The following NRXN3 variants were observed in gnomAD, a reference collection of about 807,000 sequenced individuals.
NRXN3 encodes neurexin 3, also known as neurexin III.
In NRXN3, 32 loss-of-function variants were observed where a neutral mutation model predicts 137.6. The ratio of observed to expected loss-of-function variants is 0.23; its 90% CI spans 0.18 to 0.31. The LOEUF is 0.31. NRXN3 is among the 10% of genes least tolerant of loss of function. The pLI is 1.00. For missense variants in NRXN3, 1,574 were observed against 2,062.5 expected (o/e 0.76, Z 4.59); for synonymous variants, 798 against 784.5 (o/e 1.02, Z -0.29).
At chr14:79,745,524 A>C (rs532906232) in intron 19 of NRXN3, among the ~76,000 whole-genome samples, 1 of 152,196 alleles carries the variant, frequency 6.6e-6, no homozygotes. Flanking sequence ...AATCCAAACC[A>C]GCAGCAGAGC....
intron 4 of NRXN3, among the ~76,000 whole-genome samples, chr14:78,306,063 T>C (rs2153537140): frequency 6.6e-6 from 1 of 152,312 alleles, no homozygotes. Context: ...ATTTTTTGCA[T>C]GGATGTTTCT....
At chr14:79,497,720 A>T (rs1267772287) in intron 16 of NRXN3, among the ~76,000 whole-genome samples, 1 of 152,148 alleles carries the variant, frequency 6.6e-6, no homozygotes, top group African/African-American at 2.4e-5. Flanking sequence ...TTTAATATAT[A>T]CTTTTAGATT....
intron 4 of NRXN3, among the ~76,000 whole-genome samples, chr14:78,438,073 G>A (rs1293380992): frequency 6.6e-6 from 1 of 152,086 alleles, no homozygotes; most frequent in Non-Finnish European, 1.5e-5. Context: ...GGGAGGGAGG[G>A]ACAGATTCTT....
rs530003810 is a variant in NRXN3 at position 79,521,846 on chromosome 14, G to T, written c.3444+54444G>T. Among the ~76,000 whole-genome samples, 5 of 152,096 alleles carry T rather than the reference G, an allele frequency of 3.3e-5. No homozygotes were observed. In the East Asian group the frequency reaches 7.7e-4, roughly 24 times the overall value. ...TCATAGTTATTCTAATTATGTTTTGGTTGATCAAAGTCATTTCCTAGTAGT... is the reference window on the plus strand; with the variant it reads ...TCATAGTTATTCTAATTATGTTTTGTTTGATCAAAGTCATTTCCTAGTAGT... On this transcript the variant is annotated intron_variant, in intron 16 of 20. Coordinates refer to ENST00000335750, the MANE Select transcript of NRXN3 (RefSeq NM_001330195.2).
chr14:79,069,995 C>T (rs2099685559), intron 15 of NRXN3, among the ~76,000 whole-genome samples: 1 of 152,082 alleles, frequency 6.6e-6, no homozygotes, highest in African/African-American at 2.4e-5. Context: ...TTCCTTTTTA[C>T]CTTTCCTTCC....
At chr14:79,271,191 C>T (rs1435039123) in intron 15 of NRXN3, among the ~76,000 whole-genome samples, 1 of 152,122 alleles carries the variant, frequency 6.6e-6, no homozygotes. Context: ...CTCATGAGTA[C>T]TTTAGTATCT....
rs535870489 is a variant in NRXN3 at position 79,089,113 on chromosome 14, C to T, written c.3262+100972C>T. Among the ~76,000 whole-genome samples the T allele has an allele frequency of 2.0e-5, 3 of 152,222 alleles. No homozygotes were observed. In the South Asian group the frequency reaches 6.2e-4, roughly 32 times the overall value. On this transcript the variant is annotated intron_variant, in intron 15 of 20. Coordinates refer to ENST00000335750, the MANE Select transcript of NRXN3 (RefSeq NM_001330195.2). ...TTGTGTTTTATAATCCTCCCTATGT[C>T]CCACCTGTTTTGTCTCAGAGGGGAT...
At chr14:79,402,889 A>G (rs942868171) in intron 15 of NRXN3, among the ~76,000 whole-genome samples, 11 of 152,212 alleles carry the variant, frequency 7.2e-5, no homozygotes, top group Non-Finnish European at 1.5e-4. Flanking sequence ...AAGACAAACA[A>G]TTATTTCAGT....
intron 16 of NRXN3, among the ~76,000 whole-genome samples, chr14:79,496,214 T>TTC (rs149328690): frequency 0.29 from 41,981 of 143,900 alleles, 6,186 homozygotes; most frequent in African/African-American, 0.34. Context: ...TTGAACTTAA[T>TTC]TCTCTCTCTC....
chr14:79,525,254 C>T (rs759133366), intron 16 of NRXN3, among the ~76,000 whole-genome samples: 5 of 152,170 alleles, frequency 3.3e-5, no homozygotes, highest in East Asian at 1.9e-4. Flanking sequence ...AACACCACCT[C>T]GAGGGTTTCC....
At chr14:78,592,389 T>C (rs2097125084) in intron 4 of NRXN3, among the ~76,000 whole-genome samples, 1 of 152,152 alleles carries the variant, frequency 6.6e-6, no homozygotes, top group South Asian at 2.1e-4. Flanking sequence ...TTATCGTGTG[T>C]TCTCTGACAC....
chr14:79,256,088 T>C (rs1173081391), intron 15 of NRXN3, among the ~76,000 whole-genome samples: 2 of 151,950 alleles, frequency 1.3e-5, no homozygotes, highest in Admixed American at 6.6e-5. Context: ...TTTATGTCCA[T>C]CCCTCCTCTC....
chr14:79,663,683 C>T (rs1000058591), intron 16 of NRXN3, 95 bp from the exon 17 acceptor site: 3 of 961,056 alleles, frequency 3.1e-6, no homozygotes, highest in Non-Finnish European at 4.7e-6. Context: ...TCCCTCTGGG[C>T]ACCTACAGGT....
At chr14:79,326,267 T>TAGTC (rs2090849785) in intron 15 of NRXN3, among the ~76,000 whole-genome samples, 1 of 152,196 alleles carries the variant, frequency 6.6e-6, no homozygotes, top group Non-Finnish European at 1.5e-5. Context: ...AATAAGTCCC[T>TAGTC]AGTCCGTATC....
Position 78,926,859 on chromosome 14 carries a change from A to AT in NRXN3, c.2276-30382dup, listed in dbSNP as rs2099301448. ...TATAAATATATAATATATTATATAT[A>AT]TAATATATATATAATATATAATATA... is the stretch of plus-strand genomic sequence containing the variant. On this transcript the variant is annotated intron_variant, in intron 10 of 20. Transcript: ENST00000335750. Among the ~76,000 whole-genome samples the AT allele has an allele frequency of 8.4e-5, 2 of 23,940 alleles. 1 individual carries two copies. Among genetic ancestry groups the AT allele is most frequent in the African/African-American group, 6.6e-4 (2 of 3,034 alleles). 15.7% of individuals were successfully genotyped at this position (23,940 alleles called of 152,430 possible).
At chr14:79,210,892 A>C (rs373864249) in intron 15 of NRXN3, among the ~76,000 whole-genome samples, 1 of 152,160 alleles carries the variant, frequency 6.6e-6, no homozygotes, top group African/African-American at 2.4e-5. Context: ...GCTTAGAGAA[A>C]CACAGGGCTC....
At chr14:79,286,448 T>C (rs2082266589) in intron 15 of NRXN3, among the ~76,000 whole-genome samples, 1 of 151,642 alleles carries the variant, frequency 6.6e-6, no homozygotes, top group East Asian at 1.9e-4. Context: ...ATTTTATTTT[T>C]TGAAAGTTCA....
intron 15 of NRXN3, among the ~76,000 whole-genome samples, chr14:79,259,569 A>G (rs916717615): frequency 2.0e-5 from 3 of 148,238 alleles, no homozygotes; most frequent in African/African-American, 7.4e-5. Context: ...ATATATAGTT[A>G]TCTATATATA....
chr14:78,323,217 T>G (rs1597327572), intron 4 of NRXN3, among the ~76,000 whole-genome samples: 2 of 152,118 alleles, frequency 1.3e-5, no homozygotes, highest in East Asian at 3.9e-4. Context: ...ATTACTTTCA[T>G]TTTTGTGGGG....
Sources: allele counts gnomAD v4.1 joint callset (sites outside exome capture counted in the v4.1 genomes callset), GRCh38; gene constraint gnomAD v4.1.1; transcripts MANE v1.5; gene names NCBI Gene and HGNC (gene_info 2026-07-23, HGNC 2026-07-21).